The following LOXHD1 variants were observed in gnomAD, a reference collection of about 807,000 sequenced individuals.
LOXHD1 encodes the protein lipoxygenase homology domain-containing protein 1.
Under a neutral mutation model 248.2 loss-of-function variants are expected in LOXHD1, and 205 were observed. The observed-to-expected ratio is 0.83, with a 90% CI of 0.74 to 0.93. LOXHD1 has a LOEUF of 0.93. Among genes scored for constraint, LOXHD1 ranks in the 40% least tolerant of loss-of-function variants. LOXHD1 has a pLI of 0.00. For synonymous variants in LOXHD1, 1,113 were observed against 1,162.8 expected (o/e 0.96, Z 0.87); for missense variants, 2,930 against 2,971.6 (o/e 0.99, Z 0.33).
intron 17 of LOXHD1, among the ~76,000 whole-genome samples, chr18:46,565,593 C>T (rs2037624025): frequency 6.6e-6 from 1 of 152,182 alleles, no homozygotes; most frequent in African/African-American, 2.4e-5. Context: ...CCAGAACCCC[C>T]AAGCATACCC....
intron 37 of LOXHD1, 143 bp downstream of exon 37, chr18:46,505,695 A>T: frequency 1.2e-6 from 1 of 804,552 alleles, no homozygotes; most frequent in Non-Finnish European, 2.0e-6. Context: ...TGATGGAAGC[A>T]TCAATGTGGT....
At chr18:46,534,752 T>C (rs2036233406) in intron 26 of LOXHD1, among the ~76,000 whole-genome samples, 1 of 152,220 alleles carries the variant, frequency 6.6e-6, no homozygotes, top group Non-Finnish European at 1.5e-5. Flanking sequence ...CTCACTGTTG[T>C]AGCAACTCAT....
At chr18:46,558,869 C>A (rs1006853906) in intron 20 of LOXHD1, among the ~76,000 whole-genome samples, 2 of 152,070 alleles carry the variant, frequency 1.3e-5, no homozygotes, top group African/African-American at 4.8e-5. Flanking sequence ...GTCTCTTAAG[C>A]CTCTCATGAC....
intron 21 of LOXHD1, 90 bp from the exon 22 acceptor site, chr18:46,547,148 T>G (rs576786375): frequency 1.4e-6 from 2 of 1,449,292 alleles, no homozygotes; most frequent in African/African-American, 2.8e-5. Context: ...AGGCCCTCTA[T>G]GGGGTCCCAA....
intron 40 of LOXHD1, among the ~76,000 whole-genome samples, chr18:46,479,777 CAAAA>C (rs1323127321): frequency 3.2e-5 from 4 of 124,014 alleles, no homozygotes; most frequent in Non-Finnish European, 7.2e-5. Context: ...AAAAAAAAAA[CAAAA>C]AAAAAAACAC....
At chr18:46,557,604 A>G in intron 20 of LOXHD1, 115 bp from the exon 21 acceptor site, 1 of 1,257,032 alleles carries the variant, frequency 8.0e-7, no homozygotes, top group Non-Finnish European at 1.1e-6. Context: ...GTGAGACCCA[A>G]AGCAACCAGG....
rs779420312 is a variant in LOXHD1, at chr18:46,560,287, C to T, written c.2857G>A (p.Glu953Lys). The change falls in exon 19 of 41, where the codon GAG becomes AAG. Residue 953 changes from glutamate to lysine, a missense_variant. Coordinates refer to ENST00000642948, the MANE Select transcript of LOXHD1 (RefSeq NM_001384474.1). ...RKGSDEEDEG[E>K]EEESSSSEES... ...TCTGATGAGGACGACTCCTCTTCCT[C>T]CCCCTCGTCCTCTTCGTCGCTGCCC... The T allele has an allele frequency of 3.3e-5, 51 of 1,549,158 alleles. No homozygotes were observed. In the South Asian group the frequency reaches 5.2e-4, roughly 16 times the overall value.
chr18:46,622,791 C>T (rs2038686682), intron 4 of LOXHD1, among the ~76,000 whole-genome samples: 1 of 152,224 alleles, frequency 6.6e-6, no homozygotes, highest in African/African-American at 2.4e-5. Flanking sequence ...TGGCAGTCCA[C>T]TGATAGAAGA....
intron 17 of LOXHD1, among the ~76,000 whole-genome samples, chr18:46,563,510 G>A (rs777189952): frequency 6.6e-6 from 1 of 152,118 alleles, no homozygotes; most frequent in Non-Finnish European, 1.5e-5. Context: ...AGGAGGAGGA[G>A]TCACATACCA....
chr18:46,543,629 C>T (rs9956148), intron 23 of LOXHD1, among the ~76,000 whole-genome samples: 27,047 of 152,058 alleles, frequency 0.18, 2,605 homozygotes, highest in African/African-American at 0.23. Context: ...CATGTGTTCT[C>T]ACTGTTCAAC....
intron 1 of LOXHD1, among the ~76,000 whole-genome samples, chr18:46,652,676 T>C (rs901049139): frequency 6.6e-6 from 1 of 152,170 alleles, no homozygotes; most frequent in African/African-American, 2.4e-5. Context: ...CAATTATAAA[T>C]CTAAGAGAAA....
chr18:46,565,665 A>C (rs182039255), intron 17 of LOXHD1, among the ~76,000 whole-genome samples: 4 of 152,298 alleles, frequency 2.6e-5, no homozygotes, highest in Admixed American at 1.3e-4. Flanking sequence ...TAACCTACAC[A>C]CATCCTCCTA....
Position 46,615,992 on chromosome 18 carries a change from A to G in LOXHD1, c.610+2200T>C, listed in dbSNP as rs535776485. On this transcript the variant is annotated intron_variant, in intron 5 of 40. Coordinates refer to ENST00000642948, the MANE Select transcript of LOXHD1 (RefSeq NM_001384474.1). ...TTAAAGTTTCATTTGACAGATATTA[A>G]TATAGCTATGCCAGAATCTTTCCTG... is the stretch of plus-strand genomic sequence containing the variant. Among the ~76,000 whole-genome samples the G allele has an allele frequency of 5.7e-4, 87 of 152,302 alleles. 2 individuals carry two copies. The highest frequency in any genetic ancestry group is 5.1e-4 in the Non-Finnish European group (35 of 68,022).
At chr18:46,552,264 C>G (rs2143900697) in intron 21 of LOXHD1, among the ~76,000 whole-genome samples, 1 of 151,990 alleles carries the variant, frequency 6.6e-6, no homozygotes, top group East Asian at 1.9e-4. Context: ...AAAAACAAAA[C>G]AAAACAAAAC....
At chr18:46,583,073 T>C (rs747924106) in intron 12 of LOXHD1, among the ~76,000 whole-genome samples, 1 of 152,168 alleles carries the variant, frequency 6.6e-6, no homozygotes, top group African/African-American at 2.4e-5. Flanking sequence ...ATAATGGATC[T>C]AACTATCTTC....
rs755485250 is a variant in LOXHD1, at chr18:46,566,295, A to T, written c.2399T>A (p.Val800Glu). 1.0e-4 allele frequency: 160 copies of T among 1,551,164 alleles called. No homozygotes were observed. The highest frequency in any genetic ancestry group is 1.7e-4 in the Middle Eastern group (1 of 6,012). The change falls in exon 17 of 41, where the codon GTG becomes GAG. Residue 800 changes from valine (V) to glutamate (E), a missense_variant. Val to Glu is a moderately radical substitution (Grantham distance 121, BLOSUM62 -2). Transcript: ENST00000642948. ...CACCACCTCGCTGGGATACAGCTCC[A>T]CCTCCAGGCGCCCGTCAGCCTGGTT... ...DKNQADGRLE[V>E]ELYPSEVVEI...
At chr18:46,600,513 AC>A (rs1386279334) in intron 8 of LOXHD1, among the ~76,000 whole-genome samples, 1 of 151,722 alleles carries the variant, frequency 6.6e-6, no homozygotes, top group Non-Finnish European at 1.5e-5. Context: ...CAGGAGAATC[AC>A]TTGAACCTGG....
At chr18:46,524,943 A>C in intron 29 of LOXHD1, 26 bp from the exon 30 acceptor site, 1 of 1,551,002 alleles carries the variant, frequency 6.4e-7, no homozygotes, top group Non-Finnish European at 8.7e-7. Context: ...GTGGGGACTC[A>C]TATGGGGGTG....
intron 28 of LOXHD1, among the ~76,000 whole-genome samples, chr18:46,532,866 C>T (rs542890545): frequency 6.6e-6 from 1 of 152,342 alleles, no homozygotes; most frequent in Non-Finnish European, 1.5e-5. Context: ...AAACCAGGAA[C>T]AGGATTCCCG....
Sources: gnomAD v4.1 joint callset for allele counts (sites outside exome capture counted in the v4.1 genomes callset) on GRCh38, gnomAD v4.1.1 for gene constraint, MANE v1.5 for transcripts, NCBI Gene and HGNC (gene_info 2026-07-23, HGNC 2026-07-21) for gene names.